Variants in ZNF385D observed in about 807,000 individuals in gnomAD.
ZNF385D encodes zinc finger protein 659.
ZNF385D carries 15 observed loss-of-function variants against 35.8 expected under a neutral mutation model. The ratio of observed to expected loss-of-function variants is 0.42; its 90% CI spans 0.28 to 0.64. The LOEUF (loss-of-function observed/expected upper bound fraction) is 0.64. Among genes scored for constraint, ZNF385D ranks in the 30% least tolerant of loss-of-function variants. The pLI, the probability that ZNF385D is intolerant of heterozygous loss-of-function variation, is 0.23. For missense variants in ZNF385D, 474 were observed against 494.6 expected (o/e 0.96, Z 0.39); for synonymous variants, 212 against 186.8 (o/e 1.13, Z -1.10).
chr3:22,298,279 G>T (rs1189349522), intron 2 of ZNF385D, among the ~76,000 whole-genome samples: 1 of 151,508 alleles, frequency 6.6e-6, no homozygotes, highest in African/African-American at 2.4e-5. Context: ...GTGACTTAAA[G>T]GTTACTGTAC....
intron 4 of ZNF385D, among the ~76,000 whole-genome samples, chr3:21,494,225 A>T (rs548494813): frequency 7.9e-5 from 12 of 152,162 alleles, no homozygotes; most frequent in African/African-American, 1.2e-4. Flanking sequence ...CGAGAAAAAG[A>T]CTTGGTCCTT....
At chr3:21,752,973 T>A (rs558835097), upstream of ZNF385D, among the ~76,000 whole-genome samples, 1 of 152,184 alleles carries the variant, frequency 6.6e-6, no homozygotes, top group Non-Finnish European at 1.5e-5. Context: ...TGTAGTTTAA[T>A]GTTAGTGCTT....
chr3:21,964,278 T>C (rs867066133), intron 3 of ZNF385D, among the ~76,000 whole-genome samples: 5 of 151,558 alleles, frequency 3.3e-5, no homozygotes, highest in Admixed American at 6.6e-5. Context: ...ATTGGCATCA[T>C]TGTATGTGTG....
upstream of ZNF385D, among the ~76,000 whole-genome samples, chr3:21,755,404 A>C (rs1378921053): frequency 6.6e-6 from 1 of 152,176 alleles, no homozygotes; most frequent in South Asian, 2.1e-4. Flanking sequence ...TCGCTTCTCC[A>C]TTTGTAAATA....
At chr3:22,174,388 G>A (rs545892471) in intron 2 of ZNF385D, among the ~76,000 whole-genome samples, 17 of 152,200 alleles carry the variant, frequency 1.1e-4, no homozygotes, top group African/African-American at 3.8e-4. Flanking sequence ...ACAATGAAAC[G>A]TCTGTAGATG....
In ZNF385D at chr3:21,683,060, C is replaced by G. The variant is rs1009001405; in HGVS notation, c.23-18032G>C. On this transcript the variant is annotated intron_variant, in intron 1 of 7. Coordinates refer to ENST00000281523, the MANE Select transcript of ZNF385D (RefSeq NM_024697.3). ...CTACCCCTACTTCAAGTTTTGATTT[C>G]TGAGTGGGAGCTGCTAATTTGCATT... Among the ~76,000 whole-genome samples, 14 of 149,908 alleles carry G rather than the reference C, an allele frequency of 9.3e-5. 2 individuals are homozygous for G. Among genetic ancestry groups the G allele is most frequent in the African/African-American group, 3.4e-4 (14 of 40,772 alleles).
At chr3:21,917,641 G>C (rs952166489) in intron 3 of ZNF385D, among the ~76,000 whole-genome samples, 4 of 152,120 alleles carry the variant, frequency 2.6e-5, no homozygotes, top group East Asian at 1.9e-4. Flanking sequence ...TCACGTTATA[G>C]AGTTTTAAAG....
At chr3:22,138,494 G>A (rs1704297452) in intron 3 of ZNF385D, among the ~76,000 whole-genome samples, 1 of 151,776 alleles carries the variant, frequency 6.6e-6, no homozygotes, top group Non-Finnish European at 1.5e-5. Context: ...ACAGAACAGA[G>A]CCCTCAGAAA....
chr3:21,803,989 A>G lies in ZNF385D; in HGVS notation c.326-138961T>C, dbSNP rs574054055. Among the ~76,000 whole-genome samples the G allele has an allele frequency of 3.9e-5, 6 of 152,354 alleles. No individual in the cohort carries two copies. In the East Asian group the frequency reaches 1.2e-3, roughly 29 times the overall value. ...TTGTAAAATTCTGTAGTTTCATATC[A>G]TGTTTACACAATGAAGAAACCTTTG... On this transcript the variant is annotated intron_variant, in intron 3 of 5. Transcript: ENST00000494108.
intron 3 of ZNF385D, among the ~76,000 whole-genome samples, chr3:21,769,866 A>G (rs1467734781): frequency 6.6e-6 from 1 of 151,358 alleles, no homozygotes; most frequent in Non-Finnish European, 1.5e-5. Flanking sequence ...CCAAAACAGC[A>G]TGGTACTGGT....
At chr3:21,914,992 T>G (rs1215801267) in intron 3 of ZNF385D, among the ~76,000 whole-genome samples, 2 of 151,698 alleles carry the variant, frequency 1.3e-5, no homozygotes, top group Non-Finnish European at 2.9e-5. Flanking sequence ...GTTTGTGACT[T>G]GGTTAATATA....
At chr3:22,311,429 A>AGT (rs1244137313) in intron 2 of ZNF385D, among the ~76,000 whole-genome samples, 2 of 152,012 alleles carry the variant, frequency 1.3e-5, no homozygotes, top group African/African-American at 2.4e-5. Context: ...GTGGTTTCAT[A>AGT]GTGTGTTTTC....
intron 3 of ZNF385D, among the ~76,000 whole-genome samples, chr3:22,166,370 G>A (rs1706330571): frequency 6.6e-6 from 1 of 152,120 alleles, no homozygotes; most frequent in African/African-American, 2.4e-5. Flanking sequence ...TCTCCTAAAT[G>A]ATTTCTCTGT....
intron 3 of ZNF385D, among the ~76,000 whole-genome samples, chr3:22,038,572 T>C (rs1698475055): frequency 6.6e-6 from 1 of 152,194 alleles, no homozygotes; most frequent in South Asian, 2.1e-4. Context: ...AAATTTATTC[T>C]ACTAAAAGCA....
chr3:21,994,094 C>G (rs955489508), intron 3 of ZNF385D, among the ~76,000 whole-genome samples: 1 of 152,156 alleles, frequency 6.6e-6, no homozygotes. Flanking sequence ...TTACTGAGAT[C>G]CTTCTAAATT....
intron 3 of ZNF385D, among the ~76,000 whole-genome samples, chr3:22,148,587 A>G (rs1430201725): frequency 2.6e-5 from 4 of 152,200 alleles, no homozygotes; most frequent in African/African-American, 9.6e-5. Flanking sequence ...TTTATCTTCA[A>G]AAGAGGAGCT....
chr3:21,456,457 A>T (rs1424909066), intron 4 of ZNF385D, among the ~76,000 whole-genome samples: 1 of 152,148 alleles, frequency 6.6e-6, no homozygotes, highest in Non-Finnish European at 1.5e-5. Context: ...GAAGCTGGAA[A>T]CCATCACTCT....
intron 2 of ZNF385D, among the ~76,000 whole-genome samples, chr3:22,346,005 T>C (rs1695642402): frequency 6.6e-6 from 1 of 152,176 alleles, no homozygotes; most frequent in South Asian, 2.1e-4. Context: ...TCTATATGTG[T>C]TGATCCCAAA....
intron 1 of ZNF385D, among the ~76,000 whole-genome samples, chr3:21,681,235 A>C (rs1320032941): frequency 7.6e-5 from 11 of 144,402 alleles, no homozygotes. Context: ...TCTGACAAAA[A>C]AAATTATTTT....
Sources: gnomAD v4.1 joint callset for allele counts (sites outside exome capture counted in the v4.1 genomes callset) on GRCh38, gnomAD v4.1.1 for gene constraint, MANE v1.5 for transcripts, NCBI Gene and HGNC (gene_info 2026-07-23, HGNC 2026-07-21) for gene names.